Variants in FES observed in about 807,000 individuals in gnomAD.
The protein encoded by FES is tyrosine-protein kinase Fes/Fps.
Under a neutral mutation model 109.6 loss-of-function variants are expected in FES, and 83 were observed. The observed-to-expected ratio is 0.76, with a 90% confidence interval of 0.63 to 0.91. The LOEUF is 0.91. FES is among the 40% of genes least tolerant of loss of function. The probability of loss-of-function intolerance (pLI) is 0.00; values close to 1 mark genes in which losing one functional copy is unlikely to be tolerated. For synonymous variants in FES, 458 were observed against 442.1 expected, an observed-to-expected ratio of 1.04 and a Z score of -0.45; for missense variants, 943 against 1,070.9, an observed-to-expected ratio of 0.88 and a Z score of 1.67.
At chr15:90,888,797 G>T (rs1179049124) in intron 5 of FES, among the ~76,000 whole-genome samples, 2 of 142,414 alleles carry the variant, frequency 1.4e-5, no homozygotes, top group South Asian at 2.3e-4. Flanking sequence ...TATTTATTTA[G>T]AGATGTAGTC....
Position 90,889,302 on chromosome 15 carries a change from G to A in FES, c.669-4G>A. ...CCTGACTGGGGATCCCGTCTCGGGG[G>A]CAGGAAGGAGATCCTGCAGGAATAC... On this transcript the variant is annotated splice_region_variant and splice_polypyrimidine_tract_variant and intron_variant, in intron 5 of 18. Coordinates refer to ENST00000328850, the MANE Select transcript of FES (RefSeq NM_002005.4). The surrounding 1 kb of genome is among the most constrained non-coding windows in gnomAD (Gnocchi z 6.1). The A allele has an allele frequency of 6.2e-7, 1 of 1,613,110 alleles. No homozygotes were observed. The highest frequency in any genetic ancestry group is 8.5e-7 in the Non-Finnish European group (1 of 1,179,804).
Position 90,890,414 on chromosome 15 carries a change from A to C in FES, c.1250A>C (p.Glu417Ala). The C allele has an allele frequency of 6.2e-7, 1 of 1,612,738 alleles. No individual in the cohort carries two copies. Among genetic ancestry groups the C allele is most frequent in the Non-Finnish European group, 8.5e-7 (1 of 1,179,858 alleles). ...CCCTGGCCTCAGGAGCAGGAGCGAG[A>C]GGGGGGAAGGACACCCACGCTGGAG... ...HSTSSSEQEREGGRTPTLEIL... is the reference protein window; with the variant it reads ...HSTSSSEQERAGGRTPTLEIL... The change falls in exon 10 of 19, where the codon GAG (glutamate) becomes GCG (alanine). Residue 417 changes from glutamate to alanine, a missense_variant. Physicochemically the swap from Glu to Ala is moderately radical, Grantham distance 107. Coordinates refer to ENST00000328850, the MANE Select transcript of FES (RefSeq NM_002005.4).
At chr15:90,892,665 C>A (rs376672535) in intron 13 of FES, 42 bp from the exon 14 acceptor site, 1 of 1,542,222 alleles carries the variant, frequency 6.5e-7, no homozygotes, top group Non-Finnish European at 8.8e-7. Flanking sequence ...AAGAGAACTG[C>A]GGGACTGGGA....
At position 90,889,579 on chromosome 15, in the gene FES, C is replaced by T. The variant is rs62640876; in HGVS notation, c.869C>T (p.Pro290Leu). 1.9e-4 allele frequency: 300 copies of T among 1,613,686 alleles called. No individual in the cohort carries two copies. The African/African-American group carries it at 2.5e-3, about 13-fold the overall frequency. The change falls in exon 7 of 19, where the codon CCG becomes CTG. Residue 290 changes from proline to leucine, a missense_variant. Pro to Leu is a moderately conservative substitution (Grantham distance 98). Coordinates refer to ENST00000328850, the MANE Select transcript of FES (RefSeq NM_002005.4). The surrounding 1 kb of genome is among the most constrained non-coding windows in gnomAD (Gnocchi z 6.1). ...FDESLLEEGE[P>L]LEPGELQLNE... ...GAGTCACTGCTTGAGGAGGGTGAAC[C>T]GCTGGAGCCTGGGGAGCTCCAGCTG...
chr15:90,891,761 A>G, intron 12 of FES, 85 bp downstream of exon 12: 3 of 1,564,552 alleles, frequency 1.9e-6, no homozygotes, highest in Non-Finnish European at 2.6e-6. Context: ...CTGAGCAGAA[A>G]GGGCTTTCCA....
chr15:90,890,564 C>A, intron 10 of FES, 80 bp downstream of exon 10: 2 of 1,304,744 alleles, frequency 1.5e-6, no homozygotes, highest in Non-Finnish European at 2.1e-6. Context: ...GGAGGCTCTG[C>A]CCAGGCTGCT....
Position 90,893,283 on chromosome 15 carries a change from A to T in FES, c.1922-8A>T, listed in dbSNP as rs1315159607. 1 of 1,605,786 alleles carries T rather than the reference A, an allele frequency of 6.2e-7. No homozygotes were observed. Among genetic ancestry groups the T allele is most frequent in the East Asian group, 2.2e-5 (1 of 44,788 alleles). The stretch of plus-strand genomic sequence containing the variant: ...AGGAGGCTCAGCAGGGGTCCTCCCC[A>T]CCTGCAGGGGGCGACTTCCTGACCT... On this transcript the variant is annotated splice_region_variant and splice_polypyrimidine_tract_variant and intron_variant, in intron 15 of 18. Transcript: ENST00000328850.
In FES at chr15:90,895,718, G is replaced by T; in HGVS notation, c.*160G>T. 1 of 544,484 alleles carries T rather than the reference G, an allele frequency of 1.8e-6. No homozygotes were observed. 33.7% of individuals were successfully genotyped at this position (544,484 alleles called of 1,614,324 possible). A position where few individuals can be genotyped will look rare whatever the true frequency, so the allele number is the denominator to read the frequency against. ...AGCGCCGTGTCCTCTCTGTGTCCCT[G>T]CTGCTGCCAGGGCTTCCTCTTCCGG... On this transcript the variant is annotated 3_prime_UTR_variant, in exon 19 of 19. Coordinates refer to ENST00000328850, the MANE Select transcript of FES (RefSeq NM_002005.4).
Position 90,893,169 on chromosome 15 carries a change from C to G in FES, c.1896C>G (p.Ile632Met). ...GTGTCTGCACCCAGAAGCAGCCCAT[C>G]TACATCGTCATGGAGCTTGTGCAGG... ...LIGVCTQKQP[I>M]YIVMELVQGG... The change falls in exon 15 of 19, where the codon ATC becomes ATG. Residue 632 changes from isoleucine (I) to methionine (M), a missense_variant. Physicochemically the swap from Ile to Met is conservative, Grantham distance 10. Transcript: ENST00000328850. 1 of 1,614,010 alleles carries G rather than the reference C, an allele frequency of 6.2e-7. No individual in the cohort carries two copies. The highest frequency in any genetic ancestry group is 8.5e-7 in the Non-Finnish European group (1 of 1,179,976).
At position 90,889,524 on chromosome 15, in the gene FES, C is replaced by T. The variant is rs1446099283; in HGVS notation, c.814C>T (p.Pro272Ser). ...QGFLRQYGSA[P>S]DVPPCVTFDE... ...GGGCGCTGTCCCCCACAGGTCCGCA[C>T]CTGACGTCCCACCCTGTGTCACGTT... The change falls in exon 7 of 19, where the codon CCT becomes TCT. Residue 272 changes from proline (P) to serine (S), a missense_variant. By Grantham distance (74) the Pro-to-Ser change is moderately conservative. Coordinates refer to ENST00000328850, the MANE Select transcript of FES (RefSeq NM_002005.4). The surrounding 1 kb of genome is among the most constrained non-coding windows in gnomAD (Gnocchi z 6.1). 6.2e-7 allele frequency: 1 copy of T among 1,613,904 alleles called. No homozygotes were observed. Among genetic ancestry groups the T allele is most frequent in the Non-Finnish European group, 8.5e-7 (1 of 1,180,026 alleles).
At position 90,891,068 on chromosome 15, in the gene FES, G is replaced by A; in HGVS notation, c.1407G>A (p.Glu469=). Residue 469 remains glutamate, a synonymous_variant, in exon 11 of 19, where the codon GAG becomes GAA. Coordinates refer to ENST00000328850, the MANE Select transcript of FES (RefSeq NM_002005.4). ...LWYHGAIPRA[E]VAELLVHSGD... ...ACCACGGGGCCATCCCGAGGGCAGA[G>A]GTGGCTGAGCTGCTGGTGCACTCTG... 1 of 1,598,120 alleles carries A rather than the reference G, an allele frequency of 6.3e-7. No individual in the cohort carries two copies. Among genetic ancestry groups the A allele is most frequent in the Non-Finnish European group, 8.5e-7 (1 of 1,172,286 alleles).
Position 90,885,060 on chromosome 15 carries a change from C to T in FES, c.15C>T (p.Ser5=), listed in dbSNP as rs11539637. ...AGAACAGCACTATGGGCTTCTCTTC[C>T]GAGCTGTGCAGCCCCCAGGGCCACG... MGFS[S]ELCSPQGHGV... is the part of the protein sequence containing the mutation. The change falls in exon 2 of 19, where the codon TCC becomes TCT. Residue 5 remains serine (S), a synonymous_variant. Transcript: ENST00000328850. 876,697 of 1,611,236 alleles carry T rather than the reference C, an allele frequency of 0.54. 243,288 individuals carry two copies. Among genetic ancestry groups the T allele is most frequent in the East Asian group, 0.82 (36,675 of 44,862 alleles).
chr15:90,891,719 C>CT, intron 12 of FES, 43 bp downstream of exon 12: 1 of 1,610,328 alleles, frequency 6.2e-7, no homozygotes, highest in Non-Finnish European at 8.5e-7. Flanking sequence ...TGTGGCAGGG[C>CT]TTGGGGAGTG....
chr15:90,895,398 C>T lies in FES; in HGVS notation c.2327-18C>T. 1 of 1,509,448 alleles carries T rather than the reference C, an allele frequency of 6.6e-7. No individual in the cohort carries two copies. The highest frequency in any genetic ancestry group is 8.9e-7 in the Non-Finnish European group (1 of 1,124,996). The allele number at this position is 1,509,448 out of a possible 1,614,324, so 93.5% of individuals were successfully genotyped here. A position where few individuals can be genotyped will look rare whatever the true frequency, so the allele number is the denominator to read the frequency against. On this transcript the variant is annotated intron_variant, in intron 18 of 18. Transcript: ENST00000328850. ...AAACTCCCTCCTCATGCCTGGTGTG[C>T]TGTGCCTCTCCTCACAGGGGGCCGT...
In FES at chr15:90,887,192, G is replaced by T; in HGVS notation, c.490G>T (p.Asp164Tyr). 1 of 1,613,024 alleles carries T rather than the reference G, an allele frequency of 6.2e-7. No homozygotes were observed. Among genetic ancestry groups the T allele is most frequent in the South Asian group, 1.1e-5 (1 of 91,054 alleles). ...RKYQEASKDK[D>Y]RDKAKDKYVR... ...CCTTGCCCCCCTTCTGGCAGACAAG[G>T]ACCGTGACAAGGCTAAGGACAAGTA... Residue 164 changes from aspartate to tyrosine, a missense_variant, in exon 5 of 19, where the codon GAC becomes TAC. Physicochemically the swap from Asp to Tyr is radical, Grantham distance 160. Coordinates refer to ENST00000328850, the MANE Select transcript of FES (RefSeq NM_002005.4).
At chr15:90,886,909 C>G in intron 3 of FES, 52 bp from the exon 4 acceptor site, 2 of 1,567,574 alleles carry the variant, frequency 1.3e-6, no homozygotes, top group Non-Finnish European at 1.8e-6. Context: ...AGGCAAGAAT[C>G]TTCCACAACT....
chr15:90,894,856 T>G (rs2151273779), intron 18 of FES, among the ~76,000 whole-genome samples: 1 of 152,302 alleles, frequency 6.6e-6, no homozygotes, highest in South Asian at 2.1e-4. Flanking sequence ...CACTTGAGTC[T>G]AGGAGTTTGA....
intron 11 of FES, 61 bp from the exon 12 acceptor site, chr15:90,891,493 C>T (rs768308578): frequency 1.2e-6 from 2 of 1,609,170 alleles, no homozygotes; most frequent in East Asian, 2.2e-5. Flanking sequence ...CCCTTTCCCC[C>T]TCCCAGGGCT....
chr15:90,893,467 GGTACCTATA>G, intron 16 of FES, 53 bp downstream of exon 16: 5 of 1,513,648 alleles, frequency 3.3e-6, no homozygotes, highest in Non-Finnish European at 4.4e-6. Context: ...AGAGTCAAGA[GGTACCTATA>G]CCCCTAGGGC....
Sources: allele counts gnomAD v4.1 joint callset (sites outside exome capture counted in the v4.1 genomes callset), GRCh38; gene constraint gnomAD v4.1.1; non-coding constraint Gnocchi (gnomAD v3.1); transcripts MANE v1.5; gene names NCBI Gene and HGNC (gene_info 2026-07-23, HGNC 2026-07-21).